PRCD: variants seen among roughly 807,000 people sequenced by gnomAD.
PRCD encodes the protein photoreceptor disc component.
A neutral mutation model predicts 10.1 loss-of-function variants in PRCD; 12 were observed. That is an observed-to-expected ratio of 1.18 (90% CI 0.76 to 1.92). The LOEUF is 1.92. Ranked by LOEUF, PRCD falls within the 40% of genes most tolerant of loss-of-function variation. The pLI is 0.00. For missense variants in PRCD, 61 were observed against 72.2 expected, an observed-to-expected ratio of 0.84 and a Z score of 0.56; for synonymous variants, 31 against 26.2, an observed-to-expected ratio of 1.18 and a Z score of -0.56.
chr17:76,529,978 G>A (rs1415186683), intron 1 of PRCD: 1 of 985,224 alleles, frequency 1.0e-6, no homozygotes, highest in Non-Finnish European at 1.2e-6. Context: ...CAGGAGGCCT[G>A]GCGTCCCCAG....
Position 76,530,935 on chromosome 17 carries a change from C to G in PRCD, n.45+3102C>G, listed in dbSNP as rs1199204310. 1 of 1,525,438 alleles carries G rather than the reference C, an allele frequency of 6.6e-7. No homozygotes were observed. The highest frequency in any genetic ancestry group is 2.4e-5 in the East Asian group (1 of 40,910). 94.5% of individuals were successfully genotyped at this position (1,525,438 alleles called of 1,614,324 possible). A position where few individuals can be genotyped will look rare whatever the true frequency, so the allele number is the denominator to read the frequency against. ...GGGAGACCTCGGGGACAGCAGAGGA[C>G]ATGGCGGGGAGGCTGCCCAGCCCAC... On this transcript the variant is annotated intron_variant and non_coding_transcript_variant, in intron 1 of 4. Coordinates refer to the PRCD transcript ENST00000397633. The surrounding 1 kb of genome is among the most constrained non-coding windows in gnomAD (Gnocchi z 6.1).
intron 1 of PRCD, among the ~76,000 whole-genome samples, chr17:76,534,738 C>G (rs2074896525): frequency 6.6e-6 from 1 of 152,182 alleles, no homozygotes; most frequent in Non-Finnish European, 1.5e-5. Context: ...CCTGGAGAGA[C>G]AGCTGTGCCA....
chr17:76,530,919 C>T lies in PRCD; in HGVS notation n.45+3086C>T, dbSNP rs974890951. 3.0e-5 allele frequency: 45 copies of T among 1,499,132 alleles called. No homozygotes were observed. Among genetic ancestry groups the T allele is most frequent in the African/African-American group, 5.6e-5 (4 of 71,326 alleles). 92.9% of individuals were successfully genotyped at this position (1,499,132 alleles called of 1,614,324 possible). On this transcript the variant is annotated intron_variant and non_coding_transcript_variant, in intron 1 of 4. Transcript: ENST00000397633. The surrounding 1 kb of genome is among the most constrained non-coding windows in gnomAD (Gnocchi z 6.1). The stretch of plus-strand genomic sequence containing the variant: ...GGGCCTCAGGAGATATGGGAGACCT[C>T]GGGGACAGCAGAGGACATGGCGGGG...
rs770214225 is a variant in PRCD at position 76,544,117 on chromosome 17, G to A, written c.*467G>A. Reference sequence around the variant, plus strand: ...TGAGCAGAGATAAAAGCAGATTTCCGCTTCTGCTCCCAGATCCAGGAGCAG... The same window carrying A: ...TGAGCAGAGATAAAAGCAGATTTCCACTTCTGCTCCCAGATCCAGGAGCAG... On this transcript the variant is annotated 3_prime_UTR_variant, in exon 5 of 5. Coordinates refer to ENST00000592014, the MANE Select transcript of PRCD (RefSeq NM_001077620.3). 3.3e-5 allele frequency: 15 copies of A among 454,364 alleles called. No homozygotes were observed. In the East Asian group the frequency reaches 9.7e-4, roughly 29 times the overall value. The allele number at this position is 454,364 out of a possible 1,614,324, so 28.1% of individuals were successfully genotyped here.
At chr17:76,542,035 T>C (rs1181887185) in intron 2 of PRCD, among the ~76,000 whole-genome samples, 1 of 152,156 alleles carries the variant, frequency 6.6e-6, no homozygotes, top group African/African-American at 2.4e-5. Flanking sequence ...CCCCAGAGGA[T>C]TGGCAGGACA....
At chr17:76,552,901 A>C (rs7223307) in intron 1 of PRCD, 1 of 108,102 alleles carries the variant, frequency 9.3e-6, no homozygotes, top group African/African-American at 3.7e-5. Context: ...TATATATAAA[A>C]ATATATATAT....
At position 76,531,282 on chromosome 17, in the gene PRCD, A is replaced by T; in HGVS notation, n.45+3449A>T. ...GCAGCTTTGGGAACCCCGTGCTCTC[A>T]GGACAAGGGTTGCCCTGGACCCAGC... is the stretch of plus-strand genomic sequence containing the variant. On this transcript the variant is annotated intron_variant and non_coding_transcript_variant, in intron 1 of 4. Transcript: ENST00000397633. This position sits in a 1 kb window ranked among gnomAD's most constrained non-coding sequence, Gnocchi z 7.4. 8.2e-7 allele frequency: 1 copy of T among 1,218,124 alleles called. No individual in the cohort carries two copies. The highest frequency in any genetic ancestry group is 1.1e-6 in the Non-Finnish European group (1 of 875,496). The allele number at this position is 1,218,124 out of a possible 1,614,324, so 75.5% of individuals were successfully genotyped here.
At chr17:76,527,915 C>T (rs2074786162) in intron 1 of PRCD, 1 of 418,214 alleles carries the variant, frequency 2.4e-6, no homozygotes, top group African/African-American at 2.0e-5. Context: ...GGGAGCTGGT[C>T]TGAGAAGGGG....
At chr17:76,536,256 C>T (rs1225271912), upstream of PRCD, among the ~76,000 whole-genome samples, 1 of 152,168 alleles carries the variant, frequency 6.6e-6, no homozygotes, top group Non-Finnish European at 1.5e-5. Context: ...GGAATCAGGG[C>T]ATATCATGGT....
intron 1 of PRCD, chr17:76,529,095 C>CCCT: frequency 1.1e-6 from 1 of 933,518 alleles, no homozygotes; most frequent in Non-Finnish European, 1.3e-6. Context: ...GGAGCAGAGA[C>CCCT]GGCTCAATAA....
rs139265686 is a variant in PRCD at position 76,531,212 on chromosome 17, C to T, written n.45+3379C>T. ...GCGTCCTGCAACCCCCAGGCCCCTC[C>T]GCCCCACGTGTGGCCGAGAGGATCA... On this transcript the variant is annotated intron_variant and non_coding_transcript_variant, in intron 1 of 4. Coordinates refer to the PRCD transcript ENST00000397633. The surrounding 1 kb of genome is among the most constrained non-coding windows in gnomAD (Gnocchi z 7.4). 0.011 allele frequency: 17,138 copies of T among 1,495,674 alleles called. 127 individuals carry two copies. Among genetic ancestry groups the T allele is most frequent in the Non-Finnish European group, 0.014 (15,710 of 1,093,018 alleles). 92.7% of individuals were successfully genotyped at this position (1,495,674 alleles called of 1,614,324 possible). A position where few individuals can be genotyped will look rare whatever the true frequency, so the allele number is the denominator to read the frequency against.
At chr17:76,542,959 C>A in intron 3 of PRCD, 70 bp from the exon 4 acceptor site, 1 of 514,158 alleles carries the variant, frequency 1.9e-6, no homozygotes. Flanking sequence ...TCGGAAACAT[C>A]CACTCTGAAA....
In PRCD at chr17:76,543,044, G is replaced by A. The variant is rs1334114965; in HGVS notation, c.*75G>A. The A allele has an allele frequency of 1.1e-5, 5 of 472,854 alleles. No homozygotes were observed. Among genetic ancestry groups the A allele is most frequent in the Non-Finnish European group, 2.2e-5 (5 of 228,300 alleles). 29.3% of individuals were successfully genotyped at this position (472,854 alleles called of 1,614,324 possible). On this transcript the variant is annotated 3_prime_UTR_variant, in exon 4 of 5. Transcript: ENST00000592014. ...TCTGTTTCAGCTCAGGTCCTGGTTC[G>A]TCCCCTAGCCCAGGAGGATGCTGTG...
In PRCD at chr17:76,528,530, G is replaced by T; in HGVS notation, n.45+697G>T. 7.8e-7 allele frequency: 1 copy of T among 1,277,122 alleles called. No homozygotes were observed. Among genetic ancestry groups the T allele is most frequent in the South Asian group, 2.9e-5 (1 of 34,774 alleles). The allele number at this position is 1,277,122 out of a possible 1,614,324, so 79.1% of individuals were successfully genotyped here. ...GCGTCAAGGAGGGTCTTCAGAACTC[G>T]GCCTTCTGCTCGAGGTGCTGCCAGG... On this transcript the variant is annotated intron_variant and non_coding_transcript_variant, in intron 1 of 4. Coordinates refer to the PRCD transcript ENST00000397633. This position sits in a 1 kb window ranked among gnomAD's most constrained non-coding sequence, Gnocchi z 5.8.
At chr17:76,529,530 C>G (rs1012173419) in intron 1 of PRCD, 63 of 985,318 alleles carry the variant, frequency 6.4e-5, no homozygotes, top group Non-Finnish European at 7.3e-5. Context: ...CCAGCCAGCT[C>G]TCTTTCCAGT....
upstream of PRCD, among the ~76,000 whole-genome samples, chr17:76,536,922 GCT>G (rs1028342069): frequency 6.0e-4 from 91 of 152,302 alleles, no homozygotes; most frequent in African/African-American, 2.1e-3. Flanking sequence ...TCTGCTCTTT[GCT>G]CTCTGTTCTT....
At chr17:76,541,107 C>T (rs771276878) in intron 2 of PRCD, among the ~76,000 whole-genome samples, 3 of 152,196 alleles carry the variant, frequency 2.0e-5, no homozygotes, top group Non-Finnish European at 4.4e-5. Flanking sequence ...TTAACTCTTC[C>T]CTAGGCTGGA....
chr17:76,527,806 T>C (rs533483068), exon 1 of PRCD: 14 of 453,930 alleles, frequency 3.1e-5, no homozygotes, highest in Non-Finnish European at 5.7e-5. Context: ...AGAACTTCGC[T>C]CTGCCCCTGC....
rs2075024529 is a variant in PRCD at position 76,544,055 on chromosome 17, G to C, written c.*405G>C. On this transcript the variant is annotated 3_prime_UTR_variant, in exon 5 of 5. Transcript: ENST00000592014. ...GCGGCTGCCTCCTTTGCCCCCAGCTGCTCTGCCATTTCTCTCTTTTCAATC... is the reference window on the plus strand; with the variant it reads ...GCGGCTGCCTCCTTTGCCCCCAGCTCCTCTGCCATTTCTCTCTTTTCAATC... 2.2e-6 allele frequency: 1 copy of C among 454,742 alleles called. No homozygotes were observed. Among genetic ancestry groups the C allele is most frequent in the Non-Finnish European group, 4.4e-6 (1 of 226,976 alleles). The allele number at this position is 454,742 out of a possible 1,614,324, so 28.2% of individuals were successfully genotyped here.
Sources: gnomAD v4.1 joint callset for allele counts (sites outside exome capture counted in the v4.1 genomes callset) on GRCh38, gnomAD v4.1.1 for gene constraint, Gnocchi (gnomAD v3.1) non-coding constraint, MANE v1.5 for transcripts, NCBI Gene and HGNC (gene_info 2026-07-23, HGNC 2026-07-21) for gene names.